Variants in MAGI2 observed in about 807,000 individuals in gnomAD.
The protein encoded by MAGI2 is membrane associated guanylate kinase, WW and PDZ domain containing 2.
In MAGI2, 35 loss-of-function variants were observed where a neutral mutation model predicts 133.3. The observed-to-expected ratio is 0.26, with a 90% CI of 0.20 to 0.35. The LOEUF (loss-of-function observed/expected upper bound fraction) is 0.35. Ranked by LOEUF, MAGI2 falls within the 10% of genes least tolerant of loss-of-function variation. The pLI, the probability that MAGI2 is intolerant of heterozygous loss-of-function variation, is 1.00. For missense variants in MAGI2, 1,636 were observed against 1,863.4 expected, an observed-to-expected ratio of 0.88 and a Z score of 2.25; for synonymous variants, 729 against 710.6, an observed-to-expected ratio of 1.03 and a Z score of -0.41.
At chr7:79,381,398 TAA>T (rs1007035049) in intron 1 of MAGI2, among the ~76,000 whole-genome samples, 7 of 151,880 alleles carry the variant, frequency 4.6e-5, no homozygotes, top group Non-Finnish European at 8.8e-5. Context: ...TGCTATATAA[TAA>T]AAGGTTTGCT....
chr7:78,160,213 G>A lies in MAGI2; in HGVS notation c.2657C>T (p.Pro886Leu), dbSNP rs1195979701. The part of the protein sequence containing the change: ...PGSVSTHHSS[P>L]RSDYATYTNS... ...GGTGTAGGTTGCGTAGTCACTGCGT[G>A]GAGAGCTGTGGTGGGTGGATACAGA... The change falls in exon 16 of 22, where the codon CCA becomes CTA. Residue 886 changes from proline to leucine, a missense_variant. Pro to Leu is a moderately conservative substitution (Grantham distance 98). This residue lies in a region of MAGI2 where 920 missense variants were observed against 1,093.5 expected (regional missense o/e 0.84). Coordinates refer to ENST00000354212, the MANE Select transcript of MAGI2 (RefSeq NM_012301.4). 1 of 1,612,262 alleles carries A rather than the reference G, an allele frequency of 6.2e-7. No individual in the cohort carries two copies.
rs140272992 is a variant in MAGI2, at chr7:79,019,014, C to T, written c.302-11808G>A. Among the ~76,000 whole-genome samples the T allele has an allele frequency of 4.3e-3, 649 of 152,204 alleles. 3 individuals are homozygous for T. The highest frequency in any genetic ancestry group is 0.017 in the Middle Eastern group (5 of 294). On this transcript the variant is annotated intron_variant, in intron 1 of 21. Coordinates refer to ENST00000354212, the MANE Select transcript of MAGI2 (RefSeq NM_012301.4). The stretch of plus-strand genomic sequence containing the variant: ...GAAAGCTAACAAAGATATTTCAGGA[C>T]CTTAACCAAAAGCTTGAAGAAATGG...
At chr7:78,229,054 G>T (rs1789694213) in intron 10 of MAGI2, among the ~76,000 whole-genome samples, 1 of 152,244 alleles carries the variant, frequency 6.6e-6, no homozygotes. Context: ...CTCTGCCTGA[G>T]CAGAGTAGAT....
At chr7:78,476,347 A>G (rs575763729) in intron 6 of MAGI2, among the ~76,000 whole-genome samples, 58 of 152,124 alleles carry the variant, frequency 3.8e-4, no homozygotes, top group African/African-American at 1.2e-3. Flanking sequence ...CAAAGAAAGA[A>G]TATAAATTAG....
intron 1 of MAGI2, among the ~76,000 whole-genome samples, chr7:79,386,773 G>A (rs565284296): frequency 6.6e-6 from 1 of 151,952 alleles, no homozygotes; most frequent in East Asian, 1.9e-4. Flanking sequence ...TTAAAAGGTG[G>A]TGCCTTTGGG....
intron 4 of MAGI2, among the ~76,000 whole-genome samples, chr7:78,521,088 A>T (rs1796458285): frequency 6.6e-6 from 1 of 152,128 alleles, no homozygotes; most frequent in African/African-American, 2.4e-5. Flanking sequence ...CATATATAAG[A>T]CTTGCAATAT....
intron 9 of MAGI2, among the ~76,000 whole-genome samples, chr7:78,335,303 T>C (rs560250829): frequency 6.6e-6 from 1 of 152,038 alleles, no homozygotes; most frequent in African/African-American, 2.4e-5. Context: ...GCTTGGCCAT[T>C]TGCCTGCATG....
chr7:79,281,037 A>G (rs1178945959), intron 1 of MAGI2, among the ~76,000 whole-genome samples: 3 of 151,320 alleles, frequency 2.0e-5, no homozygotes, highest in Non-Finnish European at 2.9e-5. Flanking sequence ...AATAAGTGAC[A>G]TGTCTGTCTA....
intron 21 of MAGI2, among the ~76,000 whole-genome samples, chr7:78,050,903 C>A (rs1266743966): frequency 2.0e-5 from 3 of 152,190 alleles, no homozygotes; most frequent in Admixed American, 1.3e-4. Context: ...TCAGCAGCAA[C>A]CCCCTGTTGA....
chr7:78,045,822 A>G (rs991618515), intron 21 of MAGI2, among the ~76,000 whole-genome samples: 3 of 152,128 alleles, frequency 2.0e-5, no homozygotes, highest in Non-Finnish European at 4.4e-5. Flanking sequence ...CGGATGGGAG[A>G]TGTTACATTT....
At chr7:78,620,463 A>G (rs1807608384) in intron 3 of MAGI2, among the ~76,000 whole-genome samples, 1 of 151,998 alleles carries the variant, frequency 6.6e-6, no homozygotes, top group Non-Finnish European at 1.5e-5. Context: ...ATTTGTATTT[A>G]ATACTTAAAT....
intron 9 of MAGI2, among the ~76,000 whole-genome samples, chr7:78,343,321 A>T (rs1003716776): frequency 6.6e-6 from 1 of 152,226 alleles, no homozygotes; most frequent in Non-Finnish European, 1.5e-5. Context: ...ATATAGGGAC[A>T]TATACAGACC....
At chr7:79,242,981 C>T (rs1832537526) in intron 1 of MAGI2, among the ~76,000 whole-genome samples, 1 of 152,018 alleles carries the variant, frequency 6.6e-6, no homozygotes, top group Admixed American at 6.6e-5. Context: ...CTTTGGGAGG[C>T]TGAGGTGGGT....
chr7:79,289,411 T>A (rs1836281623), intron 1 of MAGI2, among the ~76,000 whole-genome samples: 1 of 152,192 alleles, frequency 6.6e-6, no homozygotes, highest in Non-Finnish European at 1.5e-5. Context: ...GGGTGCTTAA[T>A]ATTTTCTAAC....
At chr7:78,501,898 C>T in intron 4 of MAGI2, 111 bp from the exon 5 acceptor site, 1 of 733,040 alleles carries the variant, frequency 1.4e-6, no homozygotes, top group Non-Finnish European at 2.3e-6. Context: ...TCTATGAAGG[C>T]TAACAGGAAA....
intron 1 of MAGI2, among the ~76,000 whole-genome samples, chr7:79,057,376 A>T (rs1813242726): frequency 6.6e-6 from 1 of 152,162 alleles, no homozygotes; most frequent in African/African-American, 2.4e-5. Flanking sequence ...CCCAATTTGT[A>T]TTTGTATTGC....
intron 20 of MAGI2, among the ~76,000 whole-genome samples, chr7:78,119,496 G>C (rs1820207279): frequency 7.0e-6 from 1 of 143,834 alleles, no homozygotes; most frequent in Non-Finnish European, 1.5e-5. Context: ...GGGAGGCGGA[G>C]GTTGCAGTGA....
intron 2 of MAGI2, among the ~76,000 whole-genome samples, chr7:78,835,796 T>C (rs951323072): frequency 6.6e-6 from 1 of 152,208 alleles, no homozygotes; most frequent in African/African-American, 2.4e-5. Context: ...ATTTTATTTA[T>C]GGAAATAATT....
chr7:78,991,317 T>TAC (rs148776305), intron 2 of MAGI2, among the ~76,000 whole-genome samples: 16,280 of 132,062 alleles, frequency 0.12, 929 homozygotes, highest in South Asian at 0.18. Flanking sequence ...GACACACACA[T>TAC]ACACACACAC....
Sources: gnomAD v4.1 joint callset for allele counts (sites outside exome capture counted in the v4.1 genomes callset) on GRCh38, gnomAD v4.1.1 for gene constraint, gnomAD v4.1.1 regional missense constraint, MANE v1.5 for transcripts, NCBI Gene and HGNC (gene_info 2026-07-23, HGNC 2026-07-21) for gene names.